The following RBFOX1 variants were observed in gnomAD, a reference collection of about 807,000 sequenced individuals.
RBFOX1 encodes the protein RNA binding protein fox-1 homolog 1.
Under a neutral mutation model 57.7 loss-of-function variants are expected in RBFOX1, and 8 were observed. The observed-to-expected ratio is 0.14, with a 90% CI of 0.08 to 0.25. The LOEUF (loss-of-function observed/expected upper bound fraction) is 0.25. Ranked by LOEUF, RBFOX1 falls within the 10% of genes least tolerant of loss-of-function variation. The pLI is 1.00. For synonymous variants in RBFOX1, 326 were observed against 222.4 expected (o/e 1.47, Z -4.15); for missense variants, 611 against 548.5 (o/e 1.11, Z -1.14).
Position 7,636,673 on chromosome 16 carries a change from C to T in RBFOX1, c.757+5990C>T, listed in dbSNP as rs145808158. Among the ~76,000 whole-genome samples, 13 of 152,240 alleles carry T rather than the reference C, an allele frequency of 8.5e-5. 1 individual carries two copies. The highest frequency in any genetic ancestry group is 2.1e-4 in the South Asian group (1 of 4,822). ...AGTTTGGGCTGCTATAACAAAATACCGTAGACTGGGAGGCTTAAGCCACAG... is the reference window on the plus strand; with the variant it reads ...AGTTTGGGCTGCTATAACAAAATACTGTAGACTGGGAGGCTTAAGCCACAG... On this transcript the variant is annotated intron_variant, in intron 11 of 15. Transcript: ENST00000550418.
chr16:6,372,098 G>A (rs897248491), intron 2 of RBFOX1, among the ~76,000 whole-genome samples: 4 of 152,140 alleles, frequency 2.6e-5, no homozygotes, highest in Non-Finnish European at 4.4e-5. Flanking sequence ...TGGGTGGAGT[G>A]GAGATTCGAT....
chr16:5,443,496 C>T (rs28602273), intron 1 of RBFOX1, among the ~76,000 whole-genome samples: 1,629 of 152,264 alleles, frequency 0.011, 31 homozygotes, highest in African/African-American at 0.037. Flanking sequence ...CGCCACCACG[C>T]CCAGCTAATA....
At chr16:6,893,261 G>A (rs751299811) in intron 3 of RBFOX1, among the ~76,000 whole-genome samples, 1 of 152,100 alleles carries the variant, frequency 6.6e-6, no homozygotes, top group Non-Finnish European at 1.5e-5. Context: ...GAAGAACACC[G>A]TGGGAAGTTT....
intron 14 of RBFOX1, among the ~76,000 whole-genome samples, chr16:7,695,734 A>C (rs1225175172): frequency 6.6e-6 from 1 of 151,596 alleles, no homozygotes; most frequent in African/African-American, 2.4e-5. Context: ...TCACCTCCTT[A>C]TAAAAACATT....
At chr16:5,543,471 G>A (rs1303862016) in intron 2 of RBFOX1, among the ~76,000 whole-genome samples, 1 of 152,098 alleles carries the variant, frequency 6.6e-6, no homozygotes, top group African/African-American at 2.4e-5. Flanking sequence ...CATAGCAACA[G>A]AAACTGTCCA....
At chr16:6,928,024 C>A (rs186093444) in intron 3 of RBFOX1, among the ~76,000 whole-genome samples, 1 of 152,264 alleles carries the variant, frequency 6.6e-6, no homozygotes, top group African/African-American at 2.4e-5. Context: ...CCAGCACCCA[C>A]CCCTCTAGAT....
At chr16:7,043,800 C>T (rs892027799) in intron 3 of RBFOX1, among the ~76,000 whole-genome samples, 1 of 152,220 alleles carries the variant, frequency 6.6e-6, no homozygotes, top group Admixed American at 6.5e-5. Context: ...CCCTCTTGCA[C>T]TTGACTCTTG....
At chr16:6,993,583 T>C (rs1300870650) in intron 3 of RBFOX1, among the ~76,000 whole-genome samples, 1 of 152,192 alleles carries the variant, frequency 6.6e-6, no homozygotes, top group Non-Finnish European at 1.5e-5. Context: ...AGAGTGGTGC[T>C]GCAACATATG....
chr16:5,401,763 CT>C (rs60425070), intron 1 of RBFOX1, among the ~76,000 whole-genome samples: 17,884 of 103,378 alleles, frequency 0.17, 1,168 homozygotes, highest in African/African-American at 0.2. Context: ...CTCCCTGTCT[CT>C]CTCCTCCTCC....
At chr16:7,451,050 G>T (rs937537759) in intron 4 of RBFOX1, among the ~76,000 whole-genome samples, 1 of 152,110 alleles carries the variant, frequency 6.6e-6, no homozygotes, top group Non-Finnish European at 1.5e-5. Flanking sequence ...AGGCAGCTGG[G>T]AGTCCCTGAG....
chr16:7,679,447 A>G (rs1451738906), intron 14 of RBFOX1, among the ~76,000 whole-genome samples: 1 of 152,226 alleles, frequency 6.6e-6, no homozygotes, highest in Non-Finnish European at 1.5e-5. Context: ...CAAAATAGGA[A>G]GTAAAATCAG....
chr16:7,524,483 T>C (rs1385276842), intron 5 of RBFOX1, among the ~76,000 whole-genome samples: 1 of 152,256 alleles, frequency 6.6e-6, no homozygotes, highest in Non-Finnish European at 1.5e-5. Flanking sequence ...ACAAGGTATT[T>C]TACTCTTGAC....
At chr16:7,358,595 T>C (rs1300034574) in intron 4 of RBFOX1, among the ~76,000 whole-genome samples, 1 of 152,150 alleles carries the variant, frequency 6.6e-6, no homozygotes, top group Admixed American at 6.5e-5. Flanking sequence ...AATTTTTGTA[T>C]TTTTTGTAGA....
At chr16:5,374,535 G>C (rs946143085) in intron 1 of RBFOX1, among the ~76,000 whole-genome samples, 1 of 152,156 alleles carries the variant, frequency 6.6e-6, no homozygotes, top group East Asian at 1.9e-4. Context: ...GAATCACAGG[G>C]AGTGGGAAGG....
chr16:7,326,633 G>A (rs1393801525), intron 4 of RBFOX1, among the ~76,000 whole-genome samples: 1 of 151,678 alleles, frequency 6.6e-6, no homozygotes. Context: ...CTGCTGTAAT[G>A]CATTTATGAG....
chr16:7,699,005 A>G (rs774311127), intron 14 of RBFOX1, among the ~76,000 whole-genome samples: 2 of 152,210 alleles, frequency 1.3e-5, no homozygotes, highest in African/African-American at 4.8e-5. Flanking sequence ...TTCTAGAAGA[A>G]TGCACCAAAG....
rs557619262 is a variant in RBFOX1, at chr16:5,867,505, C to G, written c.351+170C>G. ...TCTGTGCTGCTGGGTTTTGGGGTGC[C>G]CAGGTCACCGCACTGCTCTTCATGG... On this transcript the variant is annotated intron_variant, in intron 4 of 19. Coordinates refer to the RBFOX1 transcript ENST00000641259. Among the ~76,000 whole-genome samples, 12 of 151,994 alleles carry G rather than the reference C, an allele frequency of 7.9e-5. No individual in the cohort carries two copies. The East Asian group carries it at 2.1e-3, about 27-fold the overall frequency.
chr16:7,341,740 C>CTCCCTCCCTCCCTCCTTCCCTCCT (rs2096896916), intron 4 of RBFOX1, among the ~76,000 whole-genome samples: 1 of 114,970 alleles, frequency 8.7e-6, no homozygotes, highest in Non-Finnish European at 1.8e-5. Flanking sequence ...CCCTCCTTCC[C>CTCCCTCCCTCCCTCCTTCCCTCCT]TCCCTCCCTC....
intron 2 of RBFOX1, among the ~76,000 whole-genome samples, chr16:6,641,366 T>C (rs555981098): frequency 6.6e-6 from 1 of 152,252 alleles, no homozygotes; most frequent in East Asian, 1.9e-4. Context: ...CATTTTCTGG[T>C]GCTATTTATA....
Sources: allele counts gnomAD v4.1 joint callset (sites outside exome capture counted in the v4.1 genomes callset), GRCh38; gene constraint gnomAD v4.1.1; transcripts MANE v1.5; gene names NCBI Gene and HGNC (gene_info 2026-07-23, HGNC 2026-07-21).